TNRC6A: variants seen among roughly 807,000 people sequenced by gnomAD.
TNRC6A encodes the protein trinucleotide repeat containing adaptor 6A.
Under a neutral mutation model 221.2 loss-of-function variants are expected in TNRC6A, and 44 were observed. The ratio of observed to expected loss-of-function variants is 0.20; its 90% confidence interval spans 0.16 to 0.26. The LOEUF (loss-of-function observed/expected upper bound fraction) is 0.26. Among genes scored for constraint, TNRC6A ranks in the 10% least tolerant of loss-of-function variants. TNRC6A has a pLI of 1.00. For synonymous variants in TNRC6A, 847 were observed against 838.5 expected (o/e 1.01, Z -0.18); for missense variants, 2,199 against 2,404.4 (o/e 0.91, Z 1.79).
chr16:24,790,986 G>GGGTGGGGCGATCCCAAACCTGCTCTGA lies in TNRC6A; in HGVS notation c.2352_2378dup (p.Pro786_Asp794dup), dbSNP rs748856197. On this transcript the variant is annotated inframe_insertion, in exon 6 of 25. Transcript: ENST00000395799. ...TGGTAATGATACCTCATCTGTATCA[G>GGGTGGGGCGATCCCAAACCTGCTCTGA]GGTGGGGCGATCCCAAACCTGCTCT... 19 of 1,600,730 alleles carry GGGTGGGGCGATCCCAAACCTGCTCTGA rather than the reference G, an allele frequency of 1.2e-5. No homozygotes were observed. The highest frequency in any genetic ancestry group is 1.5e-5 in the Non-Finnish European group (18 of 1,173,314).
intron 23 of TNRC6A, 53 bp downstream of exon 23, chr16:24,822,200 CAG>C (rs754989803): frequency 5.8e-5 from 92 of 1,580,210 alleles, no homozygotes; most frequent in Non-Finnish European, 7.7e-5. Context: ...AGCATGGGAA[CAG>C]AGGTTCGGGT....
At position 24,656,064 on chromosome 16, in the gene TNRC6A, G is replaced by A. The variant is rs189188781; in HGVS notation, n.402+15055G>A. On this transcript the variant is annotated intron_variant and non_coding_transcript_variant, in intron 2 of 2. Transcript: ENST00000566108. ...AGGCTGAGGCAGGAGGATCACCTGA[G>A]CCTGGGAAATGGAGGCTGCAGTGAG... 2.3e-3 allele frequency among the ~76,000 whole-genome samples: 353 copies of A among 150,582 alleles called. 1 individual carries two copies. Among genetic ancestry groups the A allele is most frequent in the African/African-American group, 8.4e-3 (345 of 40,900 alleles).
At chr16:24,691,155 T>A (rs528446558) in intron 2 of TNRC6A, among the ~76,000 whole-genome samples, 1 of 151,912 alleles carries the variant, frequency 6.6e-6, no homozygotes, top group African/African-American at 2.4e-5. Context: ...AAATATAAGG[T>A]CTTTGGAGGG....
intron 4 of TNRC6A, among the ~76,000 whole-genome samples, chr16:24,761,395 G>A (rs973512638): frequency 2.0e-5 from 3 of 152,186 alleles, no homozygotes; most frequent in East Asian, 1.9e-4. Context: ...AAAACTTCAG[G>A]TGAGGTATAG....
At chr16:24,814,164 T>C (rs1549239) in intron 18 of TNRC6A, among the ~76,000 whole-genome samples, 122,712 of 152,064 alleles carry the variant, frequency 0.81, 50,074 homozygotes, top group African/African-American at 0.94. Context: ...GGGACCAGCT[T>C]CATCATCCCT....
intron 2 of TNRC6A, among the ~76,000 whole-genome samples, chr16:24,651,538 CAA>C (rs768568973): frequency 4.8e-3 from 232 of 48,770 alleles, no homozygotes; most frequent in African/African-American, 0.012. Context: ...AACTCCATCT[CAA>C]AAAAAAAAAA....
chr16:24,750,624 T>G, intron 2 of TNRC6A, 102 bp from the exon 3 acceptor site: 1 of 1,297,376 alleles, frequency 7.7e-7, no homozygotes, highest in Non-Finnish European at 1.0e-6. Flanking sequence ...TAATTTGCCA[T>G]GTCTTCTAAT....
chr16:24,713,926 G>A (rs1424116812), intron 2 of TNRC6A, among the ~76,000 whole-genome samples: 2 of 152,224 alleles, frequency 1.3e-5, no homozygotes, highest in Non-Finnish European at 2.9e-5. Context: ...GATTACAGGC[G>A]TGAGGCAGCG....
intron 2 of TNRC6A, among the ~76,000 whole-genome samples, chr16:24,654,517 C>T (rs1902849623): frequency 6.6e-6 from 1 of 152,034 alleles, no homozygotes; most frequent in African/African-American, 2.4e-5. Context: ...CCAGTCTGAC[C>T]AACATGGTGA....
At chr16:24,797,451 A>T (rs1418229423) in intron 9 of TNRC6A, 39 bp from the exon 10 acceptor site, 2 of 1,490,312 alleles carry the variant, frequency 1.3e-6, no homozygotes, top group South Asian at 2.4e-5. Flanking sequence ...ATAAACAGAG[A>T]TGGCCATGGC....
In TNRC6A at chr16:24,790,283, T is replaced by C; in HGVS notation, c.1641T>C (p.Asn547=). The stretch of plus-strand genomic sequence containing the variant: ...GCCAAGCTAATGGTGACACTGTGAA[T>C]GCAACTCTAATGCAGCCTGGCGTAA... ...PNGQANGDTV[N]ATLMQPGVNG... is the part of the protein sequence containing the mutation. Residue 547 remains asparagine (N), a synonymous_variant, in exon 6 of 25, where the codon AAT becomes AAC. Transcript: ENST00000395799. 1 of 1,614,236 alleles carries C rather than the reference T, an allele frequency of 6.2e-7. No homozygotes were observed. The highest frequency in any genetic ancestry group is 1.1e-5 in the South Asian group (1 of 91,088).
At chr16:24,632,689 T>C (rs1245722251) in intron 1 of TNRC6A, among the ~76,000 whole-genome samples, 1 of 152,024 alleles carries the variant, frequency 6.6e-6, no homozygotes, top group Non-Finnish European at 1.5e-5. Flanking sequence ...ACTCAAAATC[T>C]ACCAATGAGT....
At chr16:24,725,626 T>G (rs981493478), upstream of TNRC6A, among the ~76,000 whole-genome samples, 3 of 152,084 alleles carry the variant, frequency 2.0e-5, no homozygotes, top group Admixed American at 2.0e-4. Context: ...TGTTCCTTTG[T>G]TTTACACTTT....
intron 2 of TNRC6A, among the ~76,000 whole-genome samples, chr16:24,656,635 TA>T (rs552224729): frequency 6.4e-4 from 98 of 152,092 alleles, no homozygotes; most frequent in African/African-American, 2.3e-3. Context: ...AAACTATAAA[TA>T]AATAACACCA....
intron 2 of TNRC6A, among the ~76,000 whole-genome samples, chr16:24,733,630 G>A (rs2056694851): frequency 6.6e-6 from 1 of 152,224 alleles, no homozygotes; most frequent in Admixed American, 6.5e-5. Flanking sequence ...TTTTGATATT[G>A]CAGTGGGTAG....
chr16:24,705,622 G>A (rs141088037), intron 2 of TNRC6A, among the ~76,000 whole-genome samples: 14 of 152,288 alleles, frequency 9.2e-5, no homozygotes, highest in South Asian at 6.2e-4. Flanking sequence ...ATGAGTCACC[G>A]CACCCAGCCT....
intron 18 of TNRC6A, among the ~76,000 whole-genome samples, chr16:24,809,974 G>A (rs1002962862): frequency 1.6e-4 from 25 of 152,146 alleles, no homozygotes; most frequent in African/African-American, 4.8e-4. Context: ...CACCATGCCC[G>A]GCTAATTTTT....
chr16:24,746,897 C>T (rs2057022955), intron 2 of TNRC6A, among the ~76,000 whole-genome samples: 1 of 152,170 alleles, frequency 6.6e-6, no homozygotes, highest in African/African-American at 2.4e-5. Context: ...GAAATAGAGA[C>T]AGACTCTCAC....
At chr16:24,619,809 T>C (rs1406295745) in intron 1 of TNRC6A, among the ~76,000 whole-genome samples, 1 of 152,042 alleles carries the variant, frequency 6.6e-6, no homozygotes, top group Non-Finnish European at 1.5e-5. Context: ...GGAGCAGATG[T>C]CAGAGAAGCT....
Sources: allele counts gnomAD v4.1 joint callset (sites outside exome capture counted in the v4.1 genomes callset), GRCh38; gene constraint gnomAD v4.1.1; transcripts MANE v1.5; gene names NCBI Gene and HGNC (gene_info 2026-07-23, HGNC 2026-07-21).